DAO: variants seen among roughly 807,000 people sequenced by gnomAD.
The protein encoded by DAO is D-amino-acid oxidase.
Under a neutral mutation model 50.1 loss-of-function variants are expected in DAO, and 51 were observed. The ratio of observed to expected loss-of-function variants is 1.02; its 90% confidence interval spans 0.81 to 1.29. DAO has a LOEUF of 1.29. Ranked by LOEUF, DAO falls within the 50% of genes most tolerant of loss-of-function variation. The pLI, the probability that DAO is intolerant of heterozygous loss-of-function variation, is 0.00. For synonymous variants in DAO, 160 were observed against 166.2 expected (o/e 0.96, Z 0.29); for missense variants, 436 against 439.4 (o/e 0.99, Z 0.07).
rs5800839 is a variant in DAO, at chr12:108,889,109, A to AT, written c.310-346dup. Among the ~76,000 whole-genome samples, 1,301 of 144,548 alleles carry AT rather than the reference A, an allele frequency of 9.0e-3. 9 individuals carry two copies. Among genetic ancestry groups the AT allele is most frequent in the South Asian group, 0.02 (89 of 4,532 alleles). 94.8% of individuals were successfully genotyped at this position (144,548 alleles called of 152,430 possible). On this transcript the variant is annotated intron_variant, in intron 3 of 10. Coordinates refer to ENST00000228476, the MANE Select transcript of DAO (RefSeq NM_001917.5). ...CATTACATAAGTCTCTGTCATTATC[A>AT]TTTTTTTTTTTTTTGAGATGAAGTC...
In DAO at chr12:108,900,262, G is replaced by A. The variant is rs1044257945; in HGVS notation, c.913-142G>A. ...CAGGGGGTCCCCACCATTCCACCCC[G>A]GTGCCAAGAGAAGCTCAGGTGGCAT... is the stretch of plus-strand genomic sequence containing the variant. On this transcript the variant is annotated intron_variant, in intron 10 of 10. Coordinates refer to ENST00000228476, the MANE Select transcript of DAO (RefSeq NM_001917.5). 87 of 1,036,914 alleles carry A rather than the reference G, an allele frequency of 8.4e-5. 1 individual carries two copies. The highest frequency in any genetic ancestry group is 3.4e-4 in the East Asian group (14 of 40,928). 64.2% of individuals were successfully genotyped at this position (1,036,914 alleles called of 1,614,324 possible). A position where few individuals can be genotyped will look rare whatever the true frequency, so the allele number is the denominator to read the frequency against.
At chr12:108,900,350 A>G in intron 10 of DAO, 54 bp from the exon 11 acceptor site, 1 of 1,602,908 alleles carries the variant, frequency 6.2e-7, no homozygotes, top group Non-Finnish European at 8.5e-7. Context: ...AGCTTCATCT[A>G]TTCTTTCCAC....
intron 8 of DAO, among the ~76,000 whole-genome samples, chr12:108,897,782 T>C (rs1201702825): frequency 6.6e-6 from 1 of 151,942 alleles, no homozygotes; most frequent in African/African-American, 2.4e-5. Context: ...ACCCCGTCTC[T>C]ACAAAAATAC....
Position 108,890,262 on chromosome 12 carries a change from G to A in DAO, c.441G>A (p.Trp147Ter), listed in dbSNP as rs2039477563. 1.2e-6 allele frequency: 2 copies of A among 1,613,362 alleles called. No homozygotes were observed. Among genetic ancestry groups the A allele is most frequent in the Non-Finnish European group, 1.7e-6 (2 of 1,179,340 alleles). Residue 147 changes from tryptophan to a stop codon, truncating the protein, a stop_gained, in exon 5 of 11, where the codon TGG becomes TGA. Transcript: ENST00000228476. LOFTEE classifies it high-confidence loss of function. The stretch of plus-strand genomic sequence containing the variant: ...TGGAGGGAAAGAACTATCTACAGTG[G>A]CTGACTGAAAGGTGAGATTTTAAGC... ...LILEGKNYLQ[W>*]LTERLTERGV...
chr12:108,893,120 T>A, intron 6 of DAO, 84 bp downstream of exon 6: 2 of 1,280,682 alleles, frequency 1.6e-6, no homozygotes, highest in Non-Finnish European at 2.2e-6. Context: ...GGGGCTCCCT[T>A]CTCAGGCTCC....
Position 108,890,234 on chromosome 12 carries a change from T to C in DAO, c.413T>C (p.Ile138Thr). ...TATGGCTGGTTCCACACAAGCCTAATTCTGGAGGGAAAGAACTATCTACAG... is the reference window on the plus strand; with the variant it reads ...TATGGCTGGTTCCACACAAGCCTAACTCTGGAGGGAAAGAACTATCTACAG... ...YGYGWFHTSLILEGKNYLQWL... is the reference protein window; with the variant it reads ...YGYGWFHTSLTLEGKNYLQWL... The change falls in exon 5 of 11, where the codon ATT becomes ACT. Residue 138 changes from isoleucine to threonine, a missense_variant. Ile to Thr is a moderately conservative substitution (Grantham distance 89). Transcript: ENST00000228476. The C allele has an allele frequency of 6.2e-7, 1 of 1,613,932 alleles. No homozygotes were observed. The highest frequency in any genetic ancestry group is 8.5e-7 in the Non-Finnish European group (1 of 1,179,772).
intron 1 of DAO, among the ~76,000 whole-genome samples, chr12:108,880,760 C>G (rs185172737): frequency 2.3e-4 from 35 of 151,856 alleles, no homozygotes; most frequent in African/African-American, 8.5e-4. Context: ...GCTATGGGCA[C>G]ATAGCAATCA....
rs112634731 is a variant in DAO, at chr12:108,899,197, A to G, written c.814-180A>G. 0.045 allele frequency among the ~76,000 whole-genome samples: 6,801 copies of G among 152,184 alleles called. 223 individuals are homozygous for G. The highest frequency in any genetic ancestry group is 0.065 in the Non-Finnish European group (4,436 of 67,980). On this transcript the variant is annotated intron_variant, in intron 9 of 10. Transcript: ENST00000228476. ...GAATTGGTGGAAAGGTGGAAGCAGT[A>G]ATGGTAATGATGTTGGTAGCTGATA... is the stretch of plus-strand genomic sequence containing the variant.
At chr12:108,889,173 T>C (rs1052859250) in intron 3 of DAO, among the ~76,000 whole-genome samples, 1 of 152,030 alleles carries the variant, frequency 6.6e-6, no homozygotes, top group African/African-American at 2.4e-5. Flanking sequence ...CGGCACAATT[T>C]CGGCTTACTG....
chr12:108,884,953 G>C, intron 1 of DAO, 45 bp from the exon 2 acceptor site: 9 of 1,563,868 alleles, frequency 5.8e-6, no homozygotes, highest in Non-Finnish European at 7.9e-6. Flanking sequence ...AAGGATGATG[G>C]AGATGATGGT....
Position 108,889,539 on chromosome 12 carries a change from A to G in DAO, c.380A>G (p.Asp127Gly). Residue 127 changes from aspartate (D) to glycine (G), a missense_variant, in exon 4 of 11, where the codon GAT becomes GGT. Transcript: ENST00000228476. Reference protein sequence around the residue: ...LTPRELDMFPDYGYGWFHTSL... With the variant: ...LTPRELDMFPGYGYGWFHTSL... ...CCCAGAGAGCTGGATATGTTCCCAG[A>G]TTACGGGTGAGTTTATTGTCACAGG... The G allele has an allele frequency of 6.2e-7, 1 of 1,612,210 alleles. No homozygotes were observed. Among genetic ancestry groups the G allele is most frequent in the Non-Finnish European group, 8.5e-7 (1 of 1,178,730 alleles).
chr12:108,900,457 T>A lies in DAO; in HGVS notation c.966T>A (p.Cys322Ter). The change falls in exon 11 of 11, where the codon TGT becomes TGA. Residue 322 changes from cysteine to a stop codon, truncating the protein, a stop_gained. Transcript: ENST00000228476. LOFTEE classifies it high-confidence loss of function. ...ACGGGCTCACCATCCACTGGGGATG[T>A]GCCCTGGAGGCAGCCAAGCTCTTTG... ...GGYGLTIHWG[C>*]ALEAAKLFGR... 6.2e-7 allele frequency: 1 copy of A among 1,614,172 alleles called. No homozygotes were observed. Among genetic ancestry groups the A allele is most frequent in the Non-Finnish European group, 8.5e-7 (1 of 1,179,990 alleles).
At chr12:108,887,684 A>G in intron 3 of DAO, 120 bp downstream of exon 3, 1 of 768,592 alleles carries the variant, frequency 1.3e-6, no homozygotes, top group Non-Finnish European at 2.4e-6. Context: ...TAGGCAACAG[A>G]CTCCTGGGTT....
chr12:108,896,266 A>G (rs2137363524), intron 7 of DAO, among the ~76,000 whole-genome samples: 1 of 151,680 alleles, frequency 6.6e-6, no homozygotes, highest in African/African-American at 2.4e-5. Flanking sequence ...TACTAAAAAT[A>G]CAAAAAATTA....
intron 1 of DAO, among the ~76,000 whole-genome samples, chr12:108,881,379 C>T (rs949994442): frequency 4.0e-5 from 6 of 151,644 alleles, no homozygotes; most frequent in Non-Finnish European, 5.9e-5. Context: ...ATTACCTACA[C>T]GCATGAATGA....
chr12:108,889,596 A>T, intron 4 of DAO, 51 bp downstream of exon 4: 1 of 1,442,002 alleles, frequency 6.9e-7, no homozygotes. Context: ...GAGTTAGCAG[A>T]CCTGTCCAGA....
chr12:108,883,431 C>G lies in DAO; in HGVS notation c.-9-1567C>G, dbSNP rs1279968581. ...GAGGTATTGGGATTACAGGCGTAAG[C>G]CACTGCAGCTGGTCCTCCCTCTCTC... On this transcript the variant is annotated intron_variant, in intron 1 of 10. Coordinates refer to ENST00000228476, the MANE Select transcript of DAO (RefSeq NM_001917.5). Among the ~76,000 whole-genome samples, 5 of 152,350 alleles carry G rather than the reference C, an allele frequency of 3.3e-5. No individual in the cohort carries two copies. The East Asian group carries it at 5.8e-4, about 18-fold the overall frequency.
intron 10 of DAO, 89 bp from the exon 11 acceptor site, chr12:108,900,315 G>T: frequency 6.5e-7 from 1 of 1,534,376 alleles, no homozygotes; most frequent in Non-Finnish European, 9.0e-7. Context: ...TCTTCGGGAG[G>T]CTCCTGAGTC....
At chr12:108,895,599 ATGG>A in intron 7 of DAO, among the ~76,000 whole-genome samples, 1 of 100,914 alleles carries the variant, frequency 9.9e-6, no homozygotes, top group Admixed American at 1.0e-4. Context: ...TACGTGTGTG[ATGG>A]TGTGTGTGTG....
Sources: allele counts gnomAD v4.1 joint callset (sites outside exome capture counted in the v4.1 genomes callset), GRCh38; gene constraint gnomAD v4.1.1; transcripts MANE v1.5; gene names NCBI Gene and HGNC (gene_info 2026-07-23, HGNC 2026-07-21).